Variants in PXDNL observed in about 807,000 individuals in gnomAD.
PXDNL encodes the protein probable oxidoreductase PXDNL.
In PXDNL, 145 loss-of-function variants were observed where a neutral mutation model predicts 150.8. The observed-to-expected ratio is 0.96, with a 90% CI of 0.84 to 1.10. The LOEUF is 1.10. PXDNL is among the 50% of genes least tolerant of loss of function. The pLI is 0.00. For missense variants in PXDNL, 2,087 were observed against 1,873.9 expected, an observed-to-expected ratio of 1.11 and a Z score of -2.10; for synonymous variants, 757 against 725.7, an observed-to-expected ratio of 1.04 and a Z score of -0.69.
At chr8:51,596,263 T>G (rs977052279) in intron 2 of PXDNL, among the ~76,000 whole-genome samples, 3 of 152,196 alleles carry the variant, frequency 2.0e-5, no homozygotes, top group Admixed American at 2.0e-4. Flanking sequence ...TATTCCATGG[T>G]GTATATGGAC....
At chr8:51,346,978 T>G (rs1039712463) in intron 19 of PXDNL, among the ~76,000 whole-genome samples, 20 of 152,168 alleles carry the variant, frequency 1.3e-4, no homozygotes, top group Admixed American at 4.6e-4. Context: ...AACTAAGATA[T>G]TTTGAAAATG....
intron 5 of PXDNL, among the ~76,000 whole-genome samples, chr8:51,498,181 A>G (rs566003164): frequency 2.5e-4 from 38 of 151,520 alleles, no homozygotes; most frequent in African/African-American, 9.2e-4. Flanking sequence ...TATCGCAAGG[A>G]CAGAAAACGA....
chr8:51,353,139 T>A (rs1806403125), intron 19 of PXDNL, among the ~76,000 whole-genome samples: 1 of 150,980 alleles, frequency 6.6e-6, no homozygotes, highest in Non-Finnish European at 1.5e-5. Context: ...TATTATTATG[T>A]TATTGTGTAT....
At chr8:51,667,464 A>G (rs117100727) in intron 1 of PXDNL, among the ~76,000 whole-genome samples, 2,126 of 152,358 alleles carry the variant, frequency 0.014, 35 homozygotes, top group South Asian at 0.046. Flanking sequence ...AAATGTATTT[A>G]TCTACTACTT....
At chr8:51,600,032 C>T (rs542710848) in intron 2 of PXDNL, among the ~76,000 whole-genome samples, 5 of 114,688 alleles carry the variant, frequency 4.4e-5, no homozygotes, top group Non-Finnish European at 8.7e-5. Context: ...ATAAATTATA[C>T]CTTATATAAA....
At chr8:51,717,088 A>G (rs1585697149) in intron 1 of PXDNL, among the ~76,000 whole-genome samples, 1 of 152,202 alleles carries the variant, frequency 6.6e-6, no homozygotes, top group African/African-American at 2.4e-5. Flanking sequence ...TTTGTGCTTT[A>G]TTATCCTTAG....
chr8:51,527,753 C>T (rs146168373), intron 4 of PXDNL, among the ~76,000 whole-genome samples: 8 of 152,260 alleles, frequency 5.3e-5, no homozygotes, highest in African/African-American at 1.9e-4. Flanking sequence ...GCTAGAGTTG[C>T]CATCATGAAA....
intron 17 of PXDNL, among the ~76,000 whole-genome samples, chr8:51,404,052 A>G (rs999477218): frequency 3.3e-5 from 5 of 151,826 alleles, no homozygotes; most frequent in African/African-American, 1.2e-4. Flanking sequence ...GAGTTACTAG[A>G]TCCTCCTGTC....
At chr8:51,381,937 T>C (rs916601765) in intron 17 of PXDNL, among the ~76,000 whole-genome samples, 29 of 151,846 alleles carry the variant, frequency 1.9e-4, no homozygotes, top group Admixed American at 2.0e-4. Context: ...ATAACAATAG[T>C]GAATTTTTTT....
At chr8:51,460,105 C>G (rs926455815) in intron 8 of PXDNL, among the ~76,000 whole-genome samples, 2 of 151,492 alleles carry the variant, frequency 1.3e-5, no homozygotes, top group African/African-American at 4.9e-5. Context: ...TAAAAATTAG[C>G]CAGATATGGT....
In PXDNL at chr8:51,341,074, G is replaced by A. The variant is rs1805972064; in HGVS notation, c.4017-1321C>T. ...ACGGTATTCACAATTTAACAAATAT[G>A]TGTGGGTATGGGCCATGCATCAGGC... is the stretch of plus-strand genomic sequence containing the variant. On this transcript the variant is annotated intron_variant, in intron 20 of 22. Coordinates refer to ENST00000356297, the MANE Select transcript of PXDNL (RefSeq NM_144651.5). Among the ~76,000 whole-genome samples the A allele has an allele frequency of 2.0e-5, 3 of 152,222 alleles. No homozygotes were observed. The East Asian group carries it at 5.8e-4, about 29-fold the overall frequency.
intron 4 of PXDNL, among the ~76,000 whole-genome samples, chr8:51,502,869 C>G (rs1811216377): frequency 6.6e-6 from 1 of 151,914 alleles, no homozygotes; most frequent in South Asian, 2.1e-4. Flanking sequence ...ATATACTGAG[C>G]CACCTAAAAT....
intron 1 of PXDNL, among the ~76,000 whole-genome samples, chr8:51,771,823 G>T (rs2037298242): frequency 6.6e-6 from 1 of 152,114 alleles, no homozygotes; most frequent in South Asian, 2.1e-4. Context: ...GCTGCCTGTG[G>T]GTGGCAAGTG....
At chr8:51,773,788 T>C (rs1423219158) in intron 1 of PXDNL, among the ~76,000 whole-genome samples, 3 of 152,254 alleles carry the variant, frequency 2.0e-5, no homozygotes, top group Non-Finnish European at 2.9e-5. Context: ...ATTAAGCATA[T>C]ACAATTTACC....
At chr8:51,463,532 AG>A (rs1220725555) in intron 8 of PXDNL, among the ~76,000 whole-genome samples, 1 of 152,226 alleles carries the variant, frequency 6.6e-6, no homozygotes, top group East Asian at 1.9e-4. Context: ...AGGACAAATA[AG>A]GGCACTACAT....
chr8:51,448,578 A>G (rs1348440004), intron 11 of PXDNL, among the ~76,000 whole-genome samples: 1 of 151,894 alleles, frequency 6.6e-6, no homozygotes, highest in Non-Finnish European at 1.5e-5. Context: ...GGTGGCGGGC[A>G]CCTGTAGTCC....
intron 19 of PXDNL, among the ~76,000 whole-genome samples, chr8:51,348,720 G>C (rs982911782): frequency 6.6e-6 from 1 of 152,060 alleles, no homozygotes; most frequent in Non-Finnish European, 1.5e-5. Context: ...CTTTACATGA[G>C]TTATTTATTT....
At chr8:51,374,154 G>A (rs1483969980) in intron 18 of PXDNL, among the ~76,000 whole-genome samples, 1 of 152,130 alleles carries the variant, frequency 6.6e-6, no homozygotes, top group Non-Finnish European at 1.5e-5. Flanking sequence ...TGAAGGGAGG[G>A]AATCTCAAGG....
intron 15 of PXDNL, among the ~76,000 whole-genome samples, 179 bp downstream of exon 15, chr8:51,412,971 A>G (rs1164613170): frequency 1.3e-5 from 2 of 152,214 alleles, no homozygotes; most frequent in African/African-American, 4.8e-5. Flanking sequence ...ATGGGGAAGA[A>G]GTTTCCCCTT....
Sources: gnomAD v4.1 joint callset for allele counts (sites outside exome capture counted in the v4.1 genomes callset) on GRCh38, gnomAD v4.1.1 for gene constraint, MANE v1.5 for transcripts, NCBI Gene and HGNC (gene_info 2026-07-23, HGNC 2026-07-21) for gene names.